ADGRB3: variants seen among roughly 807,000 people sequenced by gnomAD.
The protein encoded by ADGRB3 is brain-specific angiogenesis inhibitor 3.
In ADGRB3, 37 loss-of-function variants were observed where a neutral mutation model predicts 193.4. The ratio of observed to expected loss-of-function variants is 0.19; its 90% CI spans 0.15 to 0.25. The LOEUF (loss-of-function observed/expected upper bound fraction) is 0.25. Ranked by LOEUF, ADGRB3 falls within the 10% of genes least tolerant of loss-of-function variation. The probability of loss-of-function intolerance (pLI) is 1.00; values close to 1 mark genes in which losing one functional copy is unlikely to be tolerated. For synonymous variants in ADGRB3, 690 were observed against 644.2 expected (o/e 1.07, Z -1.08); for missense variants, 1,637 against 1,852.9 (o/e 0.88, Z 2.14).
At chr6:69,214,448 A>G (rs1561954982) in intron 17 of ADGRB3, among the ~76,000 whole-genome samples, 2 of 152,256 alleles carry the variant, frequency 1.3e-5, no homozygotes, top group East Asian at 3.9e-4. Context: ...ACAGACTGCA[A>G]AACATTTGGG....
chr6:68,880,973 TGA>T (rs1765715220), intron 3 of ADGRB3, among the ~76,000 whole-genome samples: 1 of 152,172 alleles, frequency 6.6e-6, no homozygotes, highest in Non-Finnish European at 1.5e-5. Flanking sequence ...AAAAAGTCGG[TGA>T]GAAAAATTTT....
At chr6:69,321,071 G>C (rs1768446191) in intron 20 of ADGRB3, among the ~76,000 whole-genome samples, 1 of 151,528 alleles carries the variant, frequency 6.6e-6, no homozygotes, top group Non-Finnish European at 1.5e-5. Flanking sequence ...TTTGGGCTAT[G>C]GTACATATTG....
rs536726895 is a variant in ADGRB3 at position 69,322,763 on chromosome 6, C to A, written c.2815-2109C>A. Among the ~76,000 whole-genome samples the A allele has an allele frequency of 3.9e-5, 6 of 151,998 alleles. No individual in the cohort carries two copies. In the South Asian group the frequency reaches 1.2e-3, roughly 32 times the overall value. On this transcript the variant is annotated intron_variant, in intron 20 of 31. Transcript: ENST00000370598. ...TATATGGTTAGTTTTGCGACTTAAA[C>A]CTCTTTAGTCCACATGTACACATTC... is the stretch of plus-strand genomic sequence containing the variant.
chr6:69,264,896 C>G (rs1441107396), intron 20 of ADGRB3, among the ~76,000 whole-genome samples: 1 of 151,888 alleles, frequency 6.6e-6, no homozygotes, highest in Non-Finnish European at 1.5e-5. Flanking sequence ...AAGTCTGAGT[C>G]ATTGTTCAAG....
At chr6:69,088,730 A>T (rs1195572830) in intron 17 of ADGRB3, among the ~76,000 whole-genome samples, 1 of 152,186 alleles carries the variant, frequency 6.6e-6, no homozygotes, top group East Asian at 1.9e-4. Flanking sequence ...TTCTTTCAAG[A>T]GAGAAAAAAG....
intron 28 of ADGRB3, among the ~76,000 whole-genome samples, chr6:69,356,556 A>C (rs1161520643): frequency 6.6e-6 from 1 of 152,130 alleles, no homozygotes; most frequent in African/African-American, 2.4e-5. Flanking sequence ...AGAATGGTTC[A>C]TTGGAAACAC....
At chr6:68,912,637 C>A (rs543121865) in intron 3 of ADGRB3, among the ~76,000 whole-genome samples, 1 of 151,980 alleles carries the variant, frequency 6.6e-6, no homozygotes, top group African/African-American at 2.4e-5. Context: ...TTTGTCCTTG[C>A]GATAGTTTAC....
intron 10 of ADGRB3, among the ~76,000 whole-genome samples, chr6:68,991,189 G>A (rs1199838584): frequency 6.6e-6 from 1 of 152,082 alleles, no homozygotes; most frequent in African/African-American, 2.4e-5. Context: ...CATCTTTCAA[G>A]TGTGCCTAAC....
intron 17 of ADGRB3, among the ~76,000 whole-genome samples, chr6:69,159,839 C>T (rs1043325973): frequency 1.3e-5 from 2 of 152,104 alleles, no homozygotes; most frequent in Non-Finnish European, 2.9e-5. Flanking sequence ...GCTTTATAAA[C>T]TTAGCATTCC....
chr6:69,018,484 A>T lies in ADGRB3; in HGVS notation c.2092A>T (p.Met698Leu). The T allele has an allele frequency of 6.3e-7, 1 of 1,599,244 alleles. No individual in the cohort carries two copies. Among genetic ancestry groups the T allele is most frequent in the East Asian group, 2.2e-5 (1 of 44,602 alleles). Reference protein sequence around the residue: ...GMMDFQNSYLMTGNVVASIQK... With the variant: ...GMMDFQNSYLLTGNVVASIQK... ...GATGGACTTTCAGAATTCATACTTA[A>T]TGACTGGAAATGTAGGTAAGAAATA... is the stretch of plus-strand genomic sequence containing the variant. Residue 698 changes from methionine (M) to leucine (L), a missense_variant, in exon 13 of 32, where the codon ATG (methionine) becomes TTG (leucine). This residue lies in a region of ADGRB3 where 641 missense variants were observed against 673.9 expected (regional missense o/e 0.95). Transcript: ENST00000370598.
intron 15 of ADGRB3, among the ~76,000 whole-genome samples, chr6:69,052,853 C>T (rs1057044162): frequency 4.6e-5 from 7 of 152,092 alleles, no homozygotes; most frequent in African/African-American, 1.4e-4. Flanking sequence ...TATTCTCAGC[C>T]TCTCAACTTC....
chr6:68,868,951 G>GTT lies in ADGRB3; in HGVS notation c.758-61606_758-61605dup, dbSNP rs1554209955. Among the ~76,000 whole-genome samples, 224 of 150,496 alleles carry GTT rather than the reference G, an allele frequency of 1.5e-3. 1 individual carries two copies. Among genetic ancestry groups the GTT allele is most frequent in the Non-Finnish European group, 2.2e-3 (146 of 67,678 alleles). Reference sequence around the variant, plus strand: ...TGTGTGTGTGTGTGTGAGTGTGTGTGTTTAAACTTAATCTTAGCATCCTAT... The same window carrying GTT: ...TGTGTGTGTGTGTGTGAGTGTGTGTGTTTTTAAACTTAATCTTAGCATCCTAT... On this transcript the variant is annotated intron_variant, in intron 3 of 31. Coordinates refer to ENST00000370598, the MANE Select transcript of ADGRB3 (RefSeq NM_001704.3).
chr6:68,995,280 C>T lies in ADGRB3; in HGVS notation c.1929+1318C>T, dbSNP rs914743064. ...CTATTAATATTTACATTAAAAATAG[C>T]ATTTAAAGTCTTTGACACAAAATAT... On this transcript the variant is annotated intron_variant, in intron 11 of 31. Transcript: ENST00000370598. Among the ~76,000 whole-genome samples the T allele has an allele frequency of 5.3e-5, 8 of 152,198 alleles. No individual in the cohort carries two copies. In the South Asian group the frequency reaches 1.0e-3, roughly 20 times the overall value.
At position 69,122,469 on chromosome 6, in the gene ADGRB3, AGGGGGAGGGGGAG is replaced by A. The variant is rs1409712461; in HGVS notation, c.2480+46449_2480+46461del. Among the ~76,000 whole-genome samples, 20 of 22,748 alleles carry A rather than the reference AGGGGGAGGGGGAG, an allele frequency of 8.8e-4. 1 individual carries two copies. The highest frequency in any genetic ancestry group is 3.2e-3 in the East Asian group (1 of 312). 14.9% of individuals were successfully genotyped at this position (22,748 alleles called of 152,430 possible). A position where few individuals can be genotyped will look rare whatever the true frequency, so the allele number is the denominator to read the frequency against. On this transcript the variant is annotated intron_variant, in intron 17 of 31. Transcript: ENST00000370598. ...AGAAAGAAAGATAAGGGAGAGGGAG[AGGGGGAGGGGGAG>A]GGGGGAGGGGGAGGGGGAGAGGGAG...
At chr6:69,327,184 T>C (rs79995669) in intron 21 of ADGRB3, among the ~76,000 whole-genome samples, 1 of 152,192 alleles carries the variant, frequency 6.6e-6, no homozygotes, top group Non-Finnish European at 1.5e-5. Context: ...CTAGAGACTC[T>C]ACCAAAATAC....
intron 20 of ADGRB3, among the ~76,000 whole-genome samples, chr6:69,314,909 T>C (rs1274393668): frequency 6.6e-6 from 1 of 151,568 alleles, no homozygotes; most frequent in East Asian, 1.9e-4. Context: ...ACTCATTTCA[T>C]TAGTTGAGGT....
intron 20 of ADGRB3, among the ~76,000 whole-genome samples, chr6:69,308,358 A>G (rs13195278): frequency 0.082 from 12,489 of 151,508 alleles, 657 homozygotes; most frequent in Non-Finnish European, 0.11. Flanking sequence ...GTTTACAAAT[A>G]TCGTTTATTG....
rs559171779 is a variant in ADGRB3 at position 69,268,533 on chromosome 6, C to T, written c.2814+29307C>T. Among the ~76,000 whole-genome samples, 19 of 151,990 alleles carry T rather than the reference C, an allele frequency of 1.3e-4. No individual in the cohort carries two copies. In the South Asian group the frequency reaches 4.0e-3, roughly 32 times the overall value. ...TTAAGGCAGCCAGAGGGATGATTTG[C>T]TTTCAGGCTCCTAGGGCATTTAAGG... is the stretch of plus-strand genomic sequence containing the variant. On this transcript the variant is annotated intron_variant, in intron 20 of 31. Transcript: ENST00000370598.
chr6:69,028,157 T>G (rs555844183), intron 13 of ADGRB3, among the ~76,000 whole-genome samples: 1 of 152,358 alleles, frequency 6.6e-6, no homozygotes, highest in East Asian at 1.9e-4. Context: ...TTAAAATGAC[T>G]TTGTAACTCA....
Sources: gnomAD v4.1 joint callset for allele counts (sites outside exome capture counted in the v4.1 genomes callset) on GRCh38, gnomAD v4.1.1 for gene constraint, gnomAD v4.1.1 regional missense constraint, MANE v1.5 for transcripts, NCBI Gene and HGNC (gene_info 2026-07-23, HGNC 2026-07-21) for gene names.